The following PTPRM variants were observed in gnomAD, a reference collection of about 807,000 sequenced individuals.
PTPRM encodes protein tyrosine phosphatase receptor type M.
In PTPRM, 47 loss-of-function variants were observed where a neutral mutation model predicts 186.7. The ratio of observed to expected loss-of-function variants is 0.25; its 90% CI spans 0.20 to 0.32. The LOEUF (loss-of-function observed/expected upper bound fraction) is 0.32, where lower values mean the gene tolerates loss of function less well. Ranked by LOEUF, PTPRM falls within the 10% of genes least tolerant of loss-of-function variation. The pLI is 1.00. For synonymous variants in PTPRM, 668 were observed against 674.9 expected (o/e 0.99, Z 0.16); for missense variants, 1,494 against 1,865.0 (o/e 0.80, Z 3.66).
intron 7 of PTPRM, among the ~76,000 whole-genome samples, chr18:7,988,013 C>CAA (rs57611700): frequency 1.4e-4 from 16 of 112,364 alleles, no homozygotes; most frequent in Admixed American, 3.8e-4. Context: ...CCTGTGTCTA[C>CAA]AAAAAAAAAA....
At chr18:7,658,363 T>TATATATATAC (rs1490051251) in intron 1 of PTPRM, among the ~76,000 whole-genome samples, 1 of 142,072 alleles carries the variant, frequency 7.0e-6, no homozygotes, top group African/African-American at 2.6e-5. Flanking sequence ...TATATATACA[T>TATATATATAC]ACACACACAC....
intron 15 of PTPRM, among the ~76,000 whole-genome samples, chr18:8,246,504 T>G (rs534190672): frequency 7.9e-5 from 12 of 152,302 alleles, no homozygotes; most frequent in African/African-American, 2.9e-4. Context: ...TTTTAAAATA[T>G]TTTGACAGGA....
At position 7,774,257 on chromosome 18, in the gene PTPRM, C is replaced by A. The variant is rs1263081130; in HGVS notation, c.182C>A (p.Pro61Gln). Reference protein sequence around the residue: ...VNTLTKPTSDPWMPSGSFMLV... With the variant: ...VNTLTKPTSDQWMPSGSFMLV... ...ACCTTGACTAAACCGACTTCTGATC[C>A]ATGGATGCCATCAGGTTTGCTTTTA... The change falls in exon 2 of 33, where the codon CCA becomes CAA. Residue 61 changes from proline to glutamine, a missense_variant. Around this residue, in one of 3 missense-constraint regions of PTPRM, gnomAD observed 296 missense variants for 345.5 expected, o/e 0.86. Transcript: ENST00000580170. 1 of 1,613,932 alleles carries A rather than the reference C, an allele frequency of 6.2e-7. No homozygotes were observed. Among genetic ancestry groups the A allele is most frequent in the Non-Finnish European group, 8.5e-7 (1 of 1,179,916 alleles).
intron 3 of PTPRM, among the ~76,000 whole-genome samples, chr18:7,903,796 T>C (rs2049831138): frequency 6.6e-6 from 1 of 152,240 alleles, no homozygotes; most frequent in Non-Finnish European, 1.5e-5. Context: ...CTTCTGTCCC[T>C]GTACTCTTGA....
chr18:7,846,144 C>A (rs971624219), intron 2 of PTPRM, among the ~76,000 whole-genome samples: 7 of 152,158 alleles, frequency 4.6e-5, no homozygotes, highest in African/African-American at 1.2e-4. Flanking sequence ...TTTGCTGCAG[C>A]TGGGACCATA....
intron 1 of PTPRM, among the ~76,000 whole-genome samples, chr18:7,589,320 G>A (rs10502357): frequency 0.12 from 17,781 of 152,166 alleles, 1,427 homozygotes; most frequent in Middle Eastern, 0.22. Flanking sequence ...GCAGCTATGA[G>A]GTCTGTTGAG....
intron 14 of PTPRM, among the ~76,000 whole-genome samples, chr18:8,185,867 A>G (rs1012799862): frequency 2.0e-5 from 3 of 152,202 alleles, no homozygotes; most frequent in African/African-American, 7.2e-5. Flanking sequence ...ATGTTAACGT[A>G]TAAATGAAAT....
chr18:7,785,114 C>G (rs945755218), intron 2 of PTPRM, among the ~76,000 whole-genome samples: 5 of 151,990 alleles, frequency 3.3e-5, no homozygotes, highest in Non-Finnish European at 7.4e-5. Flanking sequence ...TAGGGACTGC[C>G]AAGTACATGG....
intron 23 of PTPRM, among the ~76,000 whole-genome samples, chr18:8,353,217 C>T (rs527791995): frequency 1.3e-5 from 2 of 152,136 alleles, no homozygotes; most frequent in South Asian, 2.1e-4. Context: ...ACTCTGAGGC[C>T]GGGAAGCTAA....
At chr18:8,244,293 A>AAG in intron 15 of PTPRM, 84 bp downstream of exon 15, 1 of 1,345,618 alleles carries the variant, frequency 7.4e-7, no homozygotes, top group Non-Finnish European at 9.8e-7. Context: ...TCAAAAAAAA[A>AAG]AAAAGCTTCC....
intron 19 of PTPRM, among the ~76,000 whole-genome samples, chr18:8,258,354 G>A (rs2094594627): frequency 6.6e-6 from 1 of 152,116 alleles, no homozygotes; most frequent in Admixed American, 6.5e-5. Flanking sequence ...GCAGACTTCT[G>A]GGCCTTTCTC....
At chr18:8,376,641 T>C (rs1188569277) in intron 26 of PTPRM, 44 bp downstream of exon 26, 1 of 1,577,820 alleles carries the variant, frequency 6.3e-7, no homozygotes, top group Non-Finnish European at 8.6e-7. Flanking sequence ...GTCCCTGGGC[T>C]CCCTCCTGCA....
intron 22 of PTPRM, among the ~76,000 whole-genome samples, chr18:8,325,443 C>T (rs903037432): frequency 5.3e-5 from 8 of 152,132 alleles, no homozygotes; most frequent in Non-Finnish European, 1.2e-4. Flanking sequence ...TGCGATTGGT[C>T]AGTTAGGATA....
At chr18:7,576,644 TAAAG>T (rs1436188069) in intron 1 of PTPRM, among the ~76,000 whole-genome samples, 1 of 151,970 alleles carries the variant, frequency 6.6e-6, no homozygotes, top group Non-Finnish European at 1.5e-5. Flanking sequence ...CACGGCTAAT[TAAAG>T]AAAAAAATTG....
intron 14 of PTPRM, among the ~76,000 whole-genome samples, chr18:8,222,329 C>G (rs777620656): frequency 6.6e-6 from 1 of 152,130 alleles, no homozygotes; most frequent in South Asian, 2.1e-4. Flanking sequence ...AAGTTTTTGT[C>G]TCATTTTTCC....
At chr18:7,822,170 T>C (rs7243673) in intron 2 of PTPRM, among the ~76,000 whole-genome samples, 79,497 of 152,102 alleles carry the variant, frequency 0.52, 22,392 homozygotes, top group East Asian at 0.78. Context: ...CTCTCTCTGA[T>C]GCTCAATACT....
At chr18:7,664,944 G>A (rs1339812619) in intron 1 of PTPRM, among the ~76,000 whole-genome samples, 1 of 152,166 alleles carries the variant, frequency 6.6e-6, no homozygotes, top group Non-Finnish European at 1.5e-5. Flanking sequence ...GGGAAAATCA[G>A]AAGTTTGGCT....
intron 5 of PTPRM, among the ~76,000 whole-genome samples, chr18:7,941,782 G>C (rs1036543246): frequency 6.6e-6 from 1 of 152,216 alleles, no homozygotes; most frequent in African/African-American, 2.4e-5. Flanking sequence ...AGCCCATCTT[G>C]TTCTCCTTGT....
chr18:7,609,013 G>T (rs375394795), intron 1 of PTPRM, among the ~76,000 whole-genome samples: 55 of 152,308 alleles, frequency 3.6e-4, no homozygotes, highest in African/African-American at 1.3e-3. Flanking sequence ...AGATGTCAGG[G>T]TCAGCTCTCT....
Sources: allele counts gnomAD v4.1 joint callset (sites outside exome capture counted in the v4.1 genomes callset), GRCh38; gene constraint gnomAD v4.1.1; regional missense constraint gnomAD v4.1.1; transcripts MANE v1.5; gene names NCBI Gene and HGNC (gene_info 2026-07-23, HGNC 2026-07-21).